The following SVOPL variants were observed in gnomAD, a reference collection of about 807,000 sequenced individuals.
The protein encoded by SVOPL is putative transporter SVOPL.
Under a neutral mutation model 61.0 loss-of-function variants are expected in SVOPL, and 60 were observed. The observed-to-expected ratio is 0.98, with a 90% CI of 0.80 to 1.22. SVOPL has a LOEUF of 1.22. Among genes scored for constraint, SVOPL ranks in the 50% most tolerant of loss-of-function variants. The pLI, the probability that SVOPL is intolerant of heterozygous loss-of-function variation, is 0.00. For synonymous variants in SVOPL, 279 were observed against 250.0 expected, an observed-to-expected ratio of 1.12 and a Z score of -1.09; for missense variants, 662 against 643.9, an observed-to-expected ratio of 1.03 and a Z score of -0.30.
At chr7:138,608,604 A>T (rs937920014) in intron 14 of SVOPL, among the ~76,000 whole-genome samples, 11 of 152,140 alleles carry the variant, frequency 7.2e-5, no homozygotes, top group Admixed American at 7.2e-4. Context: ...TCTGGGTTGC[A>T]TTCACTCTGT....
chr7:138,664,658 C>A (rs1296867634), intron 4 of SVOPL, among the ~76,000 whole-genome samples: 2 of 151,158 alleles, frequency 1.3e-5, no homozygotes, highest in Non-Finnish European at 3.0e-5. Context: ...CTCCATCGGG[C>A]GCGCGCCTAA....
chr7:138,677,311 G>A (rs902583927), intron 3 of SVOPL, among the ~76,000 whole-genome samples: 2 of 152,014 alleles, frequency 1.3e-5, no homozygotes, highest in African/African-American at 4.8e-5. Flanking sequence ...GAAGACCCAC[G>A]TGATCTCTGA....
At chr7:138,626,243 C>A (rs568541904) in intron 12 of SVOPL, 193 bp from the exon 13 acceptor site, 1 of 593,818 alleles carries the variant, frequency 1.7e-6, no homozygotes, top group Admixed American at 2.9e-5. Flanking sequence ...CTCCCACTGC[C>A]TTCTCCATTC....
intron 14 of SVOPL, among the ~76,000 whole-genome samples, chr7:138,617,481 C>A (rs1799352540): frequency 6.6e-6 from 1 of 152,156 alleles, no homozygotes; most frequent in Non-Finnish European, 1.5e-5. Context: ...CCAGTCCTCC[C>A]TATTGATAGC....
At chr7:138,620,119 G>GTTTTTTTTTTT (rs375556204) in intron 14 of SVOPL, among the ~76,000 whole-genome samples, 12 of 114,582 alleles carry the variant, frequency 1.0e-4, no homozygotes, top group African/African-American at 1.9e-4. Context: ...TTTTTTTTCT[G>GTTTTTTTTTTT]TTTTGTTTTT....
intron 14 of SVOPL, among the ~76,000 whole-genome samples, chr7:138,611,902 C>T (rs1190023060): frequency 9.2e-4 from 28 of 30,386 alleles, no homozygotes; most frequent in African/African-American, 1.4e-3. Flanking sequence ...GTGTGCCCAA[C>T]AGCTCATTGA....
intron 7 of SVOPL, among the ~76,000 whole-genome samples, chr7:138,650,354 G>C (rs1265851708): frequency 1.3e-5 from 2 of 152,060 alleles, no homozygotes; most frequent in Non-Finnish European, 2.9e-5. Context: ...TGAGGGGAAA[G>C]TGTTTGCTAT....
At chr7:138,663,265 G>T (rs1802081985) in intron 4 of SVOPL, 120 bp from the exon 5 acceptor site, 2 of 1,517,012 alleles carry the variant, frequency 1.3e-6, no homozygotes, top group Non-Finnish European at 8.8e-7. Flanking sequence ...TTAATTTAAA[G>T]AACAGGGTTT....
At chr7:138,602,637 G>A (rs1370826494) in intron 14 of SVOPL, among the ~76,000 whole-genome samples, 1 of 152,022 alleles carries the variant, frequency 6.6e-6, no homozygotes, top group East Asian at 1.9e-4. Flanking sequence ...ACAAGCTTAT[G>A]AGAAAGCCTG....
intron 9 of SVOPL, among the ~76,000 whole-genome samples, chr7:138,633,228 T>C (rs1420459119): frequency 6.6e-6 from 1 of 152,078 alleles, no homozygotes; most frequent in African/African-American, 2.4e-5. Flanking sequence ...TGGAAGAAAG[T>C]TCGGGTTTCT....
At chr7:138,617,679 CA>C (rs1475575197) in intron 14 of SVOPL, among the ~76,000 whole-genome samples, 1 of 151,912 alleles carries the variant, frequency 6.6e-6, no homozygotes, top group Non-Finnish European at 1.5e-5. Context: ...TACTAAAATT[CA>C]AAAAAATTAG....
chr7:138,605,640 C>CAAAAAAAAAAAA (rs1159063438), intron 14 of SVOPL, among the ~76,000 whole-genome samples: 1 of 84,288 alleles, frequency 1.2e-5, no homozygotes, highest in African/African-American at 4.9e-5. Context: ...CTAACCTGGG[C>CAAAAAAAAAAAA]AAAAAAAAAA....
chr7:138,596,416 C>G lies in SVOPL; in HGVS notation c.1467+1G>C. The G allele has an allele frequency of 6.2e-7, 1 of 1,613,534 alleles. No homozygotes were observed. Among genetic ancestry groups the G allele is most frequent in the Non-Finnish European group, 8.5e-7 (1 of 1,179,712 alleles). Reference sequence around the variant, plus strand: ...ACTTCAGAGTTCCCTGCATCACTCACCTGGAGGGCCCGTCCTTTGGTTTCG... The same window carrying G: ...ACTTCAGAGTTCCCTGCATCACTCAGCTGGAGGGCCCGTCCTTTGGTTTCG... On this transcript the variant is annotated splice_donor_variant, in intron 15 of 15. Transcript: ENST00000674285. LOFTEE classifies it high-confidence loss of function.
At position 138,659,934 on chromosome 7, in the gene SVOPL, C is replaced by A. The variant is rs1801929005; in HGVS notation, c.400G>T (p.Ala134Ser). The A allele has an allele frequency of 6.4e-7, 1 of 1,551,382 alleles. No homozygotes were observed. The highest frequency in any genetic ancestry group is 2.0e-5 in the Admixed American group (1 of 50,952). ...GAYFSLLTSF[A>S]PSYIWFVFLR... ...AAGACAAACCAGATGTACGAAGGAG[C>A]AAACGAGGTCAGCAAGGAGAAATAG... is the stretch of plus-strand genomic sequence containing the variant. Residue 134 changes from alanine to serine, a missense_variant, in exon 6 of 16, where the codon GCT (alanine) becomes TCT (serine). Transcript: ENST00000674285.
At chr7:138,639,055 C>A (rs1324400403) in intron 9 of SVOPL, among the ~76,000 whole-genome samples, 1 of 151,852 alleles carries the variant, frequency 6.6e-6, no homozygotes, top group Non-Finnish European at 1.5e-5. Flanking sequence ...GAGCTCAAGA[C>A]CAGCCTGGCC....
At chr7:138,637,162 G>C (rs1414797402) in intron 9 of SVOPL, among the ~76,000 whole-genome samples, 2 of 151,958 alleles carry the variant, frequency 1.3e-5, no homozygotes. Context: ...TGGGCGTGGT[G>C]GATGCATGTA....
intron 14 of SVOPL, among the ~76,000 whole-genome samples, chr7:138,605,025 G>A (rs1317823687): frequency 1.3e-5 from 2 of 151,682 alleles, no homozygotes; most frequent in Non-Finnish European, 2.9e-5. Flanking sequence ...AGACTGGCCT[G>A]GGCAACACAA....
At chr7:138,698,327 T>C (rs1208382799) in intron 1 of SVOPL, among the ~76,000 whole-genome samples, 1 of 152,172 alleles carries the variant, frequency 6.6e-6, no homozygotes, top group Non-Finnish European at 1.5e-5. Flanking sequence ...CCCTTGTACC[T>C]TGCTGGTGGC....
intron 4 of SVOPL, chr7:138,664,083 G>T: frequency 2.2e-6 from 1 of 452,090 alleles, no homozygotes; most frequent in Non-Finnish European, 2.9e-6. Flanking sequence ...AGACTGCAGA[G>T]ACAGAAACCT....
Sources: allele counts gnomAD v4.1 joint callset (sites outside exome capture counted in the v4.1 genomes callset), GRCh38; gene constraint gnomAD v4.1.1; transcripts MANE v1.5; gene names NCBI Gene and HGNC (gene_info 2026-07-23, HGNC 2026-07-21).